The following SLC5A8 variants were observed in gnomAD, a reference collection of about 807,000 sequenced individuals.
The protein encoded by SLC5A8 is solute carrier family 5 member 8, also known as sodium-coupled monocarboxylate transporter 1.
SLC5A8 carries 55 observed loss-of-function variants against 71.9 expected under a neutral mutation model. The ratio of observed to expected loss-of-function variants is 0.77; its 90% confidence interval spans 0.62 to 0.96. SLC5A8 has a LOEUF of 0.96. SLC5A8 is among the 40% of genes least tolerant of loss of function. The probability of loss-of-function intolerance (pLI) is 0.00; values close to 1 mark genes in which losing one functional copy is unlikely to be tolerated. For missense variants in SLC5A8, 701 were observed against 745.3 expected (o/e 0.94, Z 0.69); for synonymous variants, 307 against 276.1 (o/e 1.11, Z -1.11).
intron 13 of SLC5A8, among the ~76,000 whole-genome samples, chr12:101,159,587 G>A (rs1180275795): frequency 2.0e-5 from 3 of 152,196 alleles, no homozygotes; most frequent in Admixed American, 6.5e-5. Flanking sequence ...GGTACTCACT[G>A]CTTCTGTGAA....
chr12:101,190,830 T>C (rs929919601), intron 5 of SLC5A8, among the ~76,000 whole-genome samples: 1 of 152,088 alleles, frequency 6.6e-6, no homozygotes, highest in Non-Finnish European at 1.5e-5. Context: ...TAGAAGAGAC[T>C]GGGGGAAATG....
Position 101,198,602 on chromosome 12 carries a change from G to T in SLC5A8, c.470-3440C>A, listed in dbSNP as rs149975472. 5.8e-3 allele frequency among the ~76,000 whole-genome samples: 876 copies of T among 151,888 alleles called. 11 individuals are homozygous for T. The highest frequency in any genetic ancestry group is 0.02 in the African/African-American group (813 of 41,512). On this transcript the variant is annotated intron_variant, in intron 3 of 14. Transcript: ENST00000536262. ...TGACCCAACAAGACTTTTAAAATAT[G>T]AATAACTCTATATTTACGAAATAAA...
At chr12:101,162,878 G>T (rs2051737010) in intron 12 of SLC5A8, among the ~76,000 whole-genome samples, 1 of 152,140 alleles carries the variant, frequency 6.6e-6, no homozygotes, top group Non-Finnish European at 1.5e-5. Context: ...CTAATGGAGA[G>T]ATAAATACAA....
At position 101,177,176 on chromosome 12, in the gene SLC5A8, A is replaced by G. The variant is rs553343779; in HGVS notation, c.1233+2853T>C. Reference sequence around the variant, plus strand: ...TTGCAAACTTAGATAAAATGGAACAATTCCTCAAAAACATAAATTGTCACA... The same window carrying G: ...TTGCAAACTTAGATAAAATGGAACAGTTCCTCAAAAACATAAATTGTCACA... On this transcript the variant is annotated intron_variant, in intron 10 of 14. Coordinates refer to ENST00000536262, the MANE Select transcript of SLC5A8 (RefSeq NM_145913.5). Among the ~76,000 whole-genome samples, 72 of 152,216 alleles carry G rather than the reference A, an allele frequency of 4.7e-4. 1 individual carries two copies. Among genetic ancestry groups the G allele is most frequent in the African/African-American group, 1.6e-3 (66 of 41,560 alleles).
chr12:101,189,098 C>T (rs1868787603), intron 6 of SLC5A8, among the ~76,000 whole-genome samples: 1 of 152,174 alleles, frequency 6.6e-6, no homozygotes, highest in Admixed American at 6.5e-5. Context: ...ATCAAGAAAG[C>T]TCTAATGCTG....
At chr12:101,171,374 T>C (rs952122157) in intron 10 of SLC5A8, among the ~76,000 whole-genome samples, 1 of 152,160 alleles carries the variant, frequency 6.6e-6, no homozygotes, top group African/African-American at 2.4e-5. Flanking sequence ...ATTAATCTTA[T>C]AGCCATAATA....
In SLC5A8 at chr12:101,199,556, C is replaced by G. The variant is rs561460801; in HGVS notation, c.469+2608G>C. ...TAAGCCATAATAGTCTAATAATAAG[C>G]TAAGCCATAATAGTCATATAGAAAG... is the stretch of plus-strand genomic sequence containing the variant. On this transcript the variant is annotated intron_variant, in intron 3 of 14. Transcript: ENST00000536262. Among the ~76,000 whole-genome samples, 9 of 151,944 alleles carry G rather than the reference C, an allele frequency of 5.9e-5. No homozygotes were observed. In the South Asian group the frequency reaches 1.7e-3, roughly 28 times the overall value.
chr12:101,160,675 C>T (rs945732333), intron 13 of SLC5A8, among the ~76,000 whole-genome samples: 4 of 152,160 alleles, frequency 2.6e-5, no homozygotes, highest in Non-Finnish European at 5.9e-5. Context: ...ACTGCAATAG[C>T]CTCTTCCCTG....
chr12:101,157,588 A>G (rs2051677572), intron 14 of SLC5A8, among the ~76,000 whole-genome samples, 187 bp from the exon 15 acceptor site: 3 of 152,224 alleles, frequency 2.0e-5, no homozygotes, highest in Admixed American at 1.3e-4. Context: ...ACAGGTTATC[A>G]GAAGATAGAT....
chr12:101,193,290 A>G (rs1269510331), intron 5 of SLC5A8, among the ~76,000 whole-genome samples: 1 of 152,038 alleles, frequency 6.6e-6, no homozygotes, highest in Non-Finnish European at 1.5e-5. Context: ...GCCTTTTCTT[A>G]ACTTTCCACT....
Position 101,187,414 on chromosome 12 carries a change from G to A in SLC5A8, c.935C>T (p.Thr312Ile), listed in dbSNP as rs1328035911. 1.2e-6 allele frequency: 2 copies of A among 1,613,842 alleles called. No homozygotes were observed. Among genetic ancestry groups the A allele is most frequent in the Non-Finnish European group, 1.7e-6 (2 of 1,179,890 alleles). The change falls in exon 7 of 15, where the codon ACA becomes ATA. Residue 312 changes from threonine (T) to isoleucine (I), a missense_variant. Thr to Ile is a moderately conservative substitution (Grantham distance 89, BLOSUM62 -1). Coordinates refer to ENST00000536262, the MANE Select transcript of SLC5A8 (RefSeq NM_145913.5). ...GTCTGGTGCAGACACTTTCTTGGCT[G>A]TCCAAGGATCACAGTCATGGTACCT... ...YSRYHDCDPW[T>I]AKKVSAPDQL... is the part of the protein sequence containing the mutation.
At chr12:101,168,662 C>G (rs547656486) in intron 10 of SLC5A8, among the ~76,000 whole-genome samples, 118 of 152,058 alleles carry the variant, frequency 7.8e-4, no homozygotes, top group Non-Finnish European at 9.7e-4. Context: ...ATGAGAAATA[C>G]GATTTTAAAA....
At chr12:101,172,877 C>A (rs930172479) in intron 10 of SLC5A8, among the ~76,000 whole-genome samples, 2 of 152,142 alleles carry the variant, frequency 1.3e-5, no homozygotes, top group African/African-American at 4.8e-5. Context: ...CATCTGTAAA[C>A]CATCCGGGTG....
intron 12 of SLC5A8, among the ~76,000 whole-genome samples, chr12:101,162,284 T>C (rs748175956): frequency 6.6e-6 from 1 of 152,360 alleles, no homozygotes; most frequent in African/African-American, 2.4e-5. Flanking sequence ...TTGAAGGTCA[T>C]GTTTATTCAT....
chr12:101,188,636 C>T (rs1352629147), intron 6 of SLC5A8, among the ~76,000 whole-genome samples: 5 of 152,188 alleles, frequency 3.3e-5, no homozygotes, highest in African/African-American at 4.8e-5. Flanking sequence ...AATCCTGTTT[C>T]CTTTTCTTCC....
chr12:101,210,042 C>T lies in SLC5A8; in HGVS notation c.-194G>A. 1 of 496,324 alleles carries T rather than the reference C, an allele frequency of 2.0e-6. No individual in the cohort carries two copies. The highest frequency in any genetic ancestry group is 3.4e-5 in the East Asian group (1 of 29,218). The allele number at this position is 496,324 out of a possible 1,614,324, so 30.7% of individuals were successfully genotyped here. ...GAGGGCTGGCAGTCGCCCCTGCACC[C>T]GCCGCTGCGAGCCGCGCCCCTCAAA... On this transcript the variant is annotated 5_prime_UTR_variant, in exon 1 of 15. Transcript: ENST00000536262.
chr12:101,172,966 G>A (rs2051844230), intron 10 of SLC5A8, among the ~76,000 whole-genome samples: 1 of 152,124 alleles, frequency 6.6e-6, no homozygotes, highest in African/African-American at 2.4e-5. Context: ...ACTGGAGCAT[G>A]CCTAAGCGCC....
chr12:101,157,183 A>AACAC lies in SLC5A8; in HGVS notation c.*92_*95dup, dbSNP rs55796436. ...CTTATCCCCCAAACACTCATGATAC[A>AACAC]ACACACACACACACACAAAGAAAAC... is the stretch of plus-strand genomic sequence containing the variant. On this transcript the variant is annotated 3_prime_UTR_variant, in exon 15 of 15. Transcript: ENST00000536262. 1.1e-3 allele frequency: 1,518 copies of AACAC among 1,391,524 alleles called. 10 individuals are homozygous for AACAC. The African/African-American group carries it at 0.016, about 15-fold the overall frequency. The allele number at this position is 1,391,524 out of a possible 1,614,324, so 86.2% of individuals were successfully genotyped here. A position where few individuals can be genotyped will look rare whatever the true frequency, so the allele number is the denominator to read the frequency against.
chr12:101,191,082 T>C (rs1868886334), intron 5 of SLC5A8, among the ~76,000 whole-genome samples: 2 of 152,230 alleles, frequency 1.3e-5, no homozygotes, highest in South Asian at 4.1e-4. Flanking sequence ...CTAATCTATA[T>C]TCACGTTCAA....
Sources: gnomAD v4.1 joint callset for allele counts (sites outside exome capture counted in the v4.1 genomes callset) on GRCh38, gnomAD v4.1.1 for gene constraint, MANE v1.5 for transcripts, NCBI Gene and HGNC (gene_info 2026-07-23, HGNC 2026-07-21) for gene names.